The following ERAP2 variants were observed in gnomAD, a reference collection of about 807,000 sequenced individuals.
ERAP2 encodes the protein leukocyte-derived arginine aminopeptidase.
ERAP2 carries 118 observed loss-of-function variants against 111.1 expected under a neutral mutation model. The ratio of observed to expected loss-of-function variants is 1.06; its 90% CI spans 0.92 to 1.24. ERAP2 has a LOEUF of 1.24. Ranked by LOEUF, ERAP2 falls within the 50% of genes most tolerant of loss-of-function variation. The pLI is 0.00. For missense variants in ERAP2, 1,131 were observed against 1,125.8 expected, an observed-to-expected ratio of 1.00 and a Z score of -0.07; for synonymous variants, 410 against 401.2, an observed-to-expected ratio of 1.02 and a Z score of -0.26.
rs1784736395 is a variant in ERAP2 at position 96,895,137 on chromosome 5, A to C, written c.1126-109A>C. Reference sequence around the variant, plus strand: ...GAGAGAAAAGGGTAGCAAAGAGAGAAGAGAGATCCTAACTAATAAAAAAAA... The same window carrying C: ...GAGAGAAAAGGGTAGCAAAGAGAGACGAGAGATCCTAACTAATAAAAAAAA... On this transcript the variant is annotated intron_variant, in intron 6 of 18. Coordinates refer to ENST00000437043, the MANE Select transcript of ERAP2 (RefSeq NM_022350.5). 2.7e-5 allele frequency: 17 copies of C among 634,880 alleles called. No homozygotes were observed. The South Asian group carries it at 3.5e-4, about 13-fold the overall frequency. The allele number at this position is 634,880 out of a possible 1,614,324, so 39.3% of individuals were successfully genotyped here. A position where few individuals can be genotyped will look rare whatever the true frequency, so the allele number is the denominator to read the frequency against.
rs778176547 is a variant in ERAP2, at chr5:96,880,052, C to A, written c.367C>A (p.Gln123Lys). 9 of 1,614,156 alleles carry A rather than the reference C, an allele frequency of 5.6e-6. No individual in the cohort carries two copies. In the South Asian group the frequency reaches 8.8e-5, roughly 16 times the overall value. Residue 123 changes from glutamine to lysine, a missense_variant, in exon 2 of 19, where the codon CAG (glutamine) becomes AAG (lysine). Coordinates refer to ENST00000437043, the MANE Select transcript of ERAP2 (RefSeq NM_022350.5). ...KDLEITNATLQSEEDSRYMKP... is the reference protein window; with the variant it reads ...KDLEITNATLKSEEDSRYMKP... ...TCTTGAAATCACGAATGCCACCCTT[C>A]AGTCAGAGGAAGATTCAAGATACAT... is the stretch of plus-strand genomic sequence containing the variant.
rs771351757 is a variant in ERAP2 at position 96,915,068 on chromosome 5, C to T, written c.2658-620C>T. Reference sequence around the variant, plus strand: ...CGTTGCCCAGGCTGGAGTGCAATGGCGCCATGTTGGCTCACTGCAACCTCC... The same window carrying T: ...CGTTGCCCAGGCTGGAGTGCAATGGTGCCATGTTGGCTCACTGCAACCTCC... On this transcript the variant is annotated intron_variant, in intron 17 of 18. Coordinates refer to ENST00000437043, the MANE Select transcript of ERAP2 (RefSeq NM_022350.5). Among the ~76,000 whole-genome samples the T allele has an allele frequency of 4.0e-4, 61 of 151,864 alleles. 2 individuals are homozygous for T. Among genetic ancestry groups the T allele is most frequent in the Admixed American group, 3.1e-3 (47 of 15,258 alleles).
At chr5:96,908,881 A>C (rs2548527) in intron 13 of ERAP2, 80 bp from the exon 14 acceptor site, 710,907 of 1,389,500 alleles carry the variant, frequency 0.51, 183,320 homozygotes, top group Middle Eastern at 0.61. Context: ...ATTGTTCTCT[A>C]TTTCATATTT....
At chr5:96,911,358 C>T (rs1199319212) in intron 15 of ERAP2, among the ~76,000 whole-genome samples, 1 of 152,078 alleles carries the variant, frequency 6.6e-6, no homozygotes, top group Non-Finnish European at 1.5e-5. Flanking sequence ...TCTTATTGAT[C>T]CGTTGACATT....
intron 9 of ERAP2, among the ~76,000 whole-genome samples, chr5:96,898,931 T>C (rs1227828602): frequency 6.6e-6 from 1 of 152,178 alleles, no homozygotes; most frequent in African/African-American, 2.4e-5. Flanking sequence ...TGTGTGTGCA[T>C]GTATGTATAT....
chr5:96,910,035 G>A, intron 15 of ERAP2: 1 of 287,690 alleles, frequency 3.5e-6, no homozygotes, highest in Non-Finnish European at 6.8e-6. Context: ...GGAGGCCAAG[G>A]AGGGTGAATC....
Position 96,918,815 on chromosome 5 carries a change from G to A in ERAP2, c.*1210G>A, listed in dbSNP as rs377694618. 3 of 152,260 alleles carry A rather than the reference G, an allele frequency of 2.0e-5. No individual in the cohort carries two copies. The highest frequency in any genetic ancestry group is 4.8e-5 in the African/African-American group (2 of 41,570). The allele number at this position is 152,260 out of a possible 1,614,324, so 9.4% of individuals were successfully genotyped here. On this transcript the variant is annotated 3_prime_UTR_variant, in exon 19 of 19. Coordinates refer to ENST00000437043, the MANE Select transcript of ERAP2 (RefSeq NM_022350.5). ...ATTTTCGGTTAAATGATAATTGAAT[G>A]TAAATATTTAGATGCAGCACCATAT...
intron 1 of ERAP2, among the ~76,000 whole-genome samples, chr5:96,877,289 G>A (rs564127995): frequency 2.0e-5 from 3 of 152,090 alleles, no homozygotes; most frequent in Non-Finnish European, 4.4e-5. Flanking sequence ...TTCTTTATCT[G>A]AACACTAAGG....
At position 96,879,867 on chromosome 5, in the gene ERAP2, G is replaced by A. The variant is rs565149554; in HGVS notation, c.182G>A (p.Arg61Gln). ...TTCCCAGTAGCCACTAATGGGGAAC[G>A]ATTTCCTTGGCAGGAGCTAAGGCTC... ...GAFPVATNGE[R>Q]FPWQELRLPS... is the part of the protein sequence containing the mutation. The change falls in exon 2 of 19, where the codon CGA (arginine) becomes CAA (glutamine). Residue 61 changes from arginine (R) to glutamine (Q), a missense_variant. Physicochemically the swap from Arg to Gln is conservative, Grantham distance 43. Coordinates refer to ENST00000437043, the MANE Select transcript of ERAP2 (RefSeq NM_022350.5). The A allele has an allele frequency of 7.4e-5, 120 of 1,614,132 alleles. No individual in the cohort carries two copies. The highest frequency in any genetic ancestry group is 3.8e-4 in the Admixed American group (23 of 60,008).
rs375836018 is a variant in ERAP2, at chr5:96,915,809, T to C, written c.2739+40T>C. On this transcript the variant is annotated intron_variant, in intron 18 of 18. Transcript: ENST00000437043. Reference sequence around the variant, plus strand: ...GTTTTTAACAATTTCAAAATAAATGTTCAAATTGTGGAATTGAAAGTAAAC... The same window carrying C: ...GTTTTTAACAATTTCAAAATAAATGCTCAAATTGTGGAATTGAAAGTAAAC... 4 of 1,464,690 alleles carry C rather than the reference T, an allele frequency of 2.7e-6. No individual in the cohort carries two copies. In the African/African-American group the frequency reaches 5.7e-5, roughly 21 times the overall value. The allele number at this position is 1,464,690 out of a possible 1,614,324, so 90.7% of individuals were successfully genotyped here.
At chr5:96,905,957 T>TC (rs1364406451) in intron 13 of ERAP2, among the ~76,000 whole-genome samples, 1 of 151,244 alleles carries the variant, frequency 6.6e-6, no homozygotes, top group African/African-American at 2.4e-5. Flanking sequence ...TTTTTTTTTT[T>TC]TTGTAGAGAC....
chr5:96,912,526 G>A (rs1786911964), intron 15 of ERAP2, 111 bp from the exon 16 acceptor site: 3 of 638,722 alleles, frequency 4.7e-6, no homozygotes, highest in South Asian at 4.5e-5. Flanking sequence ...TTAATACATT[G>A]AGTACTGAAA....
At position 96,915,750 on chromosome 5, in the gene ERAP2, C is replaced by T. The variant is rs1787313852; in HGVS notation, c.2720C>T (p.Ser907Phe). ...IISGTTAHFS[S>F]KDKLQEVKLF... ...TCTGGCACAACAGCTCACTTTTCTT[C>T]CAAGGATAAGTTGCAAGAGGTTTGT... The change falls in exon 18 of 19, where the codon TCC becomes TTC. Residue 907 changes from serine (S) to phenylalanine (F), a missense_variant. This residue lies in a region of ERAP2 where 279 missense variants were observed against 250.9 expected (regional missense o/e 1.11). Coordinates refer to ENST00000437043, the MANE Select transcript of ERAP2 (RefSeq NM_022350.5). 2.5e-6 allele frequency: 4 copies of T among 1,599,978 alleles called. No individual in the cohort carries two copies. Among genetic ancestry groups the T allele is most frequent in the Non-Finnish European group, 3.4e-6 (4 of 1,173,368 alleles).
intron 13 of ERAP2, among the ~76,000 whole-genome samples, chr5:96,908,724 AT>A (rs1311905241): frequency 1.3e-5 from 2 of 152,330 alleles, no homozygotes; most frequent in African/African-American, 2.4e-5. Context: ...CAACAAGCCT[AT>A]GAGGAAGATA....
At chr5:96,899,786 A>G (rs879534071) in intron 9 of ERAP2, among the ~76,000 whole-genome samples, 1 of 152,254 alleles carries the variant, frequency 6.6e-6, no homozygotes, top group Non-Finnish European at 1.5e-5. Flanking sequence ...AACATGCAGC[A>G]TGAAATAATA....
At position 96,895,158 on chromosome 5, in the gene ERAP2, A is replaced by C. The variant is rs1182643271; in HGVS notation, c.1126-88A>C. 7 of 769,070 alleles carry C rather than the reference A, an allele frequency of 9.1e-6. No individual in the cohort carries two copies. The East Asian group carries it at 2.0e-4, about 22-fold the overall frequency. The allele number at this position is 769,070 out of a possible 1,614,324, so 47.6% of individuals were successfully genotyped here. A position where few individuals can be genotyped will look rare whatever the true frequency, so the allele number is the denominator to read the frequency against. On this transcript the variant is annotated intron_variant, in intron 6 of 18. Transcript: ENST00000437043. ...GAGAAGAGAGATCCTAACTAATAAAAAAAAAGTTAGTAACTATTGTATTTT... is the reference window on the plus strand; with the variant it reads ...GAGAAGAGAGATCCTAACTAATAAACAAAAAGTTAGTAACTATTGTATTTT...
Position 96,900,206 on chromosome 5 carries a change from TCA to T in ERAP2, c.1572+20_1572+21del, listed in dbSNP as rs1185617937. 1 of 1,613,088 alleles carries T rather than the reference TCA, an allele frequency of 6.2e-7. No individual in the cohort carries two copies. The highest frequency in any genetic ancestry group is 2.2e-5 in the East Asian group (1 of 44,860). ...AGTAACATGGTAAGGATAAAGAGAG[TCA>T]CAGAGTAGAAGAGATCTGTGGAATA... is the stretch of plus-strand genomic sequence containing the variant. On this transcript the variant is annotated intron_variant, in intron 10 of 18. Coordinates refer to ENST00000437043, the MANE Select transcript of ERAP2 (RefSeq NM_022350.5).
chr5:96,892,140 G>A (rs777841760), intron 5 of ERAP2, among the ~76,000 whole-genome samples, 159 bp from the exon 6 acceptor site: 4 of 152,050 alleles, frequency 2.6e-5, no homozygotes, highest in East Asian at 1.9e-4. Flanking sequence ...TATTTTCAGC[G>A]CAACTATAAG....
At chr5:96,894,445 T>G (rs1274485110) in intron 6 of ERAP2, among the ~76,000 whole-genome samples, 2 of 152,198 alleles carry the variant, frequency 1.3e-5, no homozygotes, top group Non-Finnish European at 2.9e-5. Context: ...CTTCTGAATC[T>G]TAGAATCTTA....
Sources: allele counts gnomAD v4.1 joint callset (sites outside exome capture counted in the v4.1 genomes callset), GRCh38; gene constraint gnomAD v4.1.1; regional missense constraint gnomAD v4.1.1; transcripts MANE v1.5; gene names NCBI Gene and HGNC (gene_info 2026-07-23, HGNC 2026-07-21).